STYXL1: variants seen among roughly 807,000 people sequenced by gnomAD.
The protein encoded by STYXL1 is serine/threonine/tyrosine-interacting-like protein 1.
A neutral mutation model predicts 36.4 loss-of-function variants in STYXL1; 32 were observed. The observed-to-expected ratio is 0.88, with a 90% CI of 0.66 to 1.18. The LOEUF is 1.18. Among genes scored for constraint, STYXL1 ranks in the 50% most tolerant of loss-of-function variants. The probability of loss-of-function intolerance (pLI) is 0.00; values close to 1 mark genes in which losing one functional copy is unlikely to be tolerated. For synonymous variants in STYXL1, 133 were observed against 144.1 expected, an observed-to-expected ratio of 0.92 and a Z score of 0.55; for missense variants, 354 against 394.1, an observed-to-expected ratio of 0.90 and a Z score of 0.86.
intron 4 of STYXL1, among the ~76,000 whole-genome samples, chr7:76,016,610 C>G (rs1488778626): frequency 6.6e-6 from 1 of 152,034 alleles, no homozygotes; most frequent in Non-Finnish European, 1.5e-5. Flanking sequence ...AAAAGACATA[C>G]AAGCAGCCAA....
chr7:76,003,976 G>A, intron 6 of STYXL1, 121 bp from the exon 7 acceptor site: 3 of 810,252 alleles, frequency 3.7e-6, no homozygotes, highest in Non-Finnish European at 6.0e-6. Flanking sequence ...AAGGGGGAAT[G>A]TGCACAGGTA....
chr7:76,025,183 A>G (rs556025745), intron 3 of STYXL1, among the ~76,000 whole-genome samples: 1 of 150,928 alleles, frequency 6.6e-6, no homozygotes, highest in Admixed American at 6.6e-5. Context: ...CTGTCCTGCT[A>G]GGGCTGGGAA....
chr7:76,003,190 C>T (rs1554568380), intron 7 of STYXL1, among the ~76,000 whole-genome samples: 1 of 151,788 alleles, frequency 6.6e-6, no homozygotes, highest in Non-Finnish European at 1.5e-5. Flanking sequence ...AATCCCAGCA[C>T]CTTGAGAGGC....
At chr7:76,042,063 TGCATGTGTGTGCATGTAC>T (rs1296475331) in intron 1 of STYXL1, among the ~76,000 whole-genome samples, 1 of 152,172 alleles carries the variant, frequency 6.6e-6, no homozygotes, top group Non-Finnish European at 1.5e-5. Context: ...AATCTGCAGG[TGCATGTGTGTGCATGTAC>T]GCATGTGTGT....
chr7:76,029,155 C>G (rs1331690146), intron 2 of STYXL1, among the ~76,000 whole-genome samples: 2 of 151,924 alleles, frequency 1.3e-5, no homozygotes, highest in East Asian at 3.9e-4. Flanking sequence ...AGGAAGAAAT[C>G]AAATTTGAAG....
At chr7:76,013,943 A>G in intron 4 of STYXL1, 56 bp from the exon 5 acceptor site, 6 of 1,516,334 alleles carry the variant, frequency 4.0e-6, no homozygotes, top group Non-Finnish European at 5.3e-6. Flanking sequence ...ATTGGTCTAG[A>G]GCTGGGATAG....
intron 1 of STYXL1, among the ~76,000 whole-genome samples, chr7:76,036,828 A>G (rs1176550582): frequency 9.1e-6 from 1 of 110,154 alleles, no homozygotes; most frequent in Non-Finnish European, 1.8e-5. Flanking sequence ...TCTGTTGCCC[A>G]GGCTGGAGTG....
Position 75,996,489 on chromosome 7 carries a change from G to A in STYXL1, c.921C>T (p.Asn307=). The change falls in exon 9 of 9, where the codon AAC becomes AAT. Residue 307 remains asparagine (N), a synonymous_variant. Coordinates refer to ENST00000359697, the MANE Select transcript of STYXL1 (RefSeq NM_001317785.2). ...AAGATCAGTAGAGCGGATCCATGAT[G>A]TTTGTGATGGAATCTCCAAGGATAG... The part of the protein sequence containing the change: ...EKTILGDSIT[N]IMDPLY 1 of 1,614,230 alleles carries A rather than the reference G, an allele frequency of 6.2e-7. No homozygotes were observed. Among genetic ancestry groups the A allele is most frequent in the Non-Finnish European group, 8.5e-7 (1 of 1,180,042 alleles).
rs180690741 is a variant in STYXL1 at position 76,013,460 on chromosome 7, T to C, written c.453+282A>G. The stretch of plus-strand genomic sequence containing the variant: ...GTTTTTGTTTGAGACAGTCTTACTC[T>C]GTCATCCAGGCTGGAGTACAGTGGC... On this transcript the variant is annotated intron_variant, in intron 5 of 8. Transcript: ENST00000359697. 2.2e-3 allele frequency among the ~76,000 whole-genome samples: 340 copies of C among 151,942 alleles called. 3 individuals are homozygous for C. The highest frequency in any genetic ancestry group is 7.9e-3 in the African/African-American group (326 of 41,458).
intron 5 of STYXL1, among the ~76,000 whole-genome samples, chr7:76,009,533 C>T (rs1256369812): frequency 6.6e-6 from 1 of 152,164 alleles, no homozygotes; most frequent in African/African-American, 2.4e-5. Context: ...GCCTCAGCCT[C>T]CTGAGTAACT....
rs1554566962 is a variant in STYXL1 at position 76,000,963 on chromosome 7, G to T, written c.737C>A (p.Ser246Tyr). ...ACAACTGCGGCTGATACCTTGGGTGGAAAAGATCAGAATGACAGAGCCAAG... is the reference window on the plus strand; with the variant it reads ...ACAACTGCGGCTGATACCTTGGGTGTAAAAGATCAGAATGACAGAGCCAAG... The part of the protein sequence containing the change: ...HHLGSVILIF[S>Y]TQGISRSCAA... The change falls in exon 8 of 9, where the codon TCC becomes TAC. Residue 246 changes from serine to tyrosine, a missense_variant. Ser to Tyr is a moderately radical substitution (Grantham distance 144). Coordinates refer to ENST00000359697, the MANE Select transcript of STYXL1 (RefSeq NM_001317785.2). 1 of 1,614,154 alleles carries T rather than the reference G, an allele frequency of 6.2e-7. No individual in the cohort carries two copies. Among genetic ancestry groups the T allele is most frequent in the Non-Finnish European group, 8.5e-7 (1 of 1,179,990 alleles).
intron 5 of STYXL1, among the ~76,000 whole-genome samples, chr7:76,010,426 T>TG (rs1792415361): frequency 3.3e-5 from 5 of 149,888 alleles, no homozygotes. Flanking sequence ...GGTGAAGGAA[T>TG]GTGGGCATGC....
At chr7:76,005,900 GA>G (rs1554570158) in intron 5 of STYXL1, among the ~76,000 whole-genome samples, 14 of 124,588 alleles carry the variant, frequency 1.1e-4, no homozygotes, top group Non-Finnish European at 1.8e-4. Context: ...AGGAGGAGGA[GA>G]GAGGAGGAGG....
In STYXL1 at chr7:76,039,704, G is replaced by A. The variant is rs536674518; in HGVS notation, c.-5+7958C>T. The stretch of plus-strand genomic sequence containing the variant: ...TCTCTGTTGCTGAGGCTGGGGTGCA[G>A]TGGCGTGATCTCACCTCACTGCAAC... On this transcript the variant is annotated intron_variant, in intron 1 of 8. Transcript: ENST00000359697. Among the ~76,000 whole-genome samples the A allele has an allele frequency of 1.7e-3, 256 of 152,212 alleles. 2 individuals carry two copies. Among genetic ancestry groups the A allele is most frequent in the Middle Eastern group, 0.014 (4 of 294 alleles).
intron 5 of STYXL1, among the ~76,000 whole-genome samples, chr7:76,010,076 T>C (rs1177549430): frequency 6.6e-6 from 1 of 152,070 alleles, no homozygotes; most frequent in Non-Finnish European, 1.5e-5. Context: ...GAGGTGGCAG[T>C]GATGAGTTAT....
rs782429298 is a variant in STYXL1 at position 76,005,396 on chromosome 7, A to T, written c.462T>A (p.Asp154Glu). The change falls in exon 6 of 9, where the codon GAT becomes GAA. Residue 154 changes from aspartate to glutamate, a missense_variant. Coordinates refer to ENST00000359697, the MANE Select transcript of STYXL1 (RefSeq NM_001317785.2). ...QKIIWMPQELDAFQPYPIEIV... is the reference protein window; with the variant it reads ...QKIIWMPQELEAFQPYPIEIV... ...TTTCAATGGGGTATGGCTGAAATGC[A>T]TCCAGTTCCTGAAGTGTGGAGGGAG... 30 of 1,611,908 alleles carry T rather than the reference A, an allele frequency of 1.9e-5. No individual in the cohort carries two copies. The South Asian group carries it at 3.3e-4, about 18-fold the overall frequency.
Position 76,003,795 on chromosome 7 carries a change from C to G in STYXL1, c.660G>C (p.Gln220His). The G allele has an allele frequency of 6.2e-7, 1 of 1,614,210 alleles. No homozygotes were observed. The highest frequency in any genetic ancestry group is 1.6e-4 in the Middle Eastern group (1 of 6,062). ...ACATGTGGCGTAAGAAGGGAAGAATCTGGGCTTCCGGGGAATCTTCTATCC... is the reference window on the plus strand; with the variant it reads ...ACATGTGGCGTAAGAAGGGAAGAATGTGGGCTTCCGGGGAATCTTCTATCC... ...HIRIEDSPEA[Q>H]ILPFLRHMCH... The change falls in exon 7 of 9, where the codon CAG (glutamine) becomes CAC (histidine). Residue 220 changes from glutamine to histidine, a missense_variant. Transcript: ENST00000359697.
At chr7:76,014,255 G>GT (rs1196621246) in intron 4 of STYXL1, among the ~76,000 whole-genome samples, 1 of 152,108 alleles carries the variant, frequency 6.6e-6, no homozygotes, top group African/African-American at 2.4e-5. Flanking sequence ...GATTACAGGC[G>GT]TGAGCCACCA....
chr7:76,000,777 T>C (rs1445095456), intron 8 of STYXL1, 113 bp downstream of exon 8: 1 of 795,082 alleles, frequency 1.3e-6, no homozygotes, highest in Non-Finnish European at 2.2e-6. Context: ...CTTGGAGTTA[T>C]CTGGGATTCT....
Sources: allele counts gnomAD v4.1 joint callset (sites outside exome capture counted in the v4.1 genomes callset), GRCh38; gene constraint gnomAD v4.1.1; transcripts MANE v1.5; gene names NCBI Gene and HGNC (gene_info 2026-07-23, HGNC 2026-07-21).